The following ANO9 variants were observed in gnomAD, a reference collection of about 807,000 sequenced individuals.
ANO9 encodes anoctamin-9.
In ANO9, 80 loss-of-function variants were observed where a neutral mutation model predicts 100.5. The observed-to-expected ratio is 0.80, with a 90% confidence interval of 0.66 to 0.96. ANO9 has a LOEUF of 0.96. ANO9 is among the 40% of genes least tolerant of loss of function. The pLI is 0.00. For missense variants in ANO9, 1,064 were observed against 1,072.7 expected (o/e 0.99, Z 0.11); for synonymous variants, 473 against 435.6 (o/e 1.09, Z -1.07).
rs530624536 is a variant in ANO9 at position 420,777 on chromosome 11, C to T, written c.1574G>A (p.Arg525His). The change falls in exon 18 of 23, where the codon CGC (arginine) becomes CAC (histidine). Residue 525 changes from arginine (R) to histidine (H), a missense_variant. By Grantham distance (29) the Arg-to-His change is conservative. Transcript: ENST00000332826. ...GTTGACCGGGTTCAGAAGGTAGTTG[C>T]GCCGCCAGTCCCTGAGCTCGGGGTC... is the stretch of plus-strand genomic sequence containing the variant. ...PRDPELRDWR[R>H]NYLLNPVNTF... 4 of 1,601,336 alleles carry T rather than the reference C, an allele frequency of 2.5e-6. No individual in the cohort carries two copies. Among genetic ancestry groups the T allele is most frequent in the Middle Eastern group, 1.7e-4 (1 of 6,052 alleles).
Position 420,928 on chromosome 11 carries a change from C to T in ANO9, c.1490+17G>A, listed in dbSNP as rs566261009. 2 of 1,589,208 alleles carry T rather than the reference C, an allele frequency of 1.3e-6. No homozygotes were observed. The highest frequency in any genetic ancestry group is 1.1e-5 in the South Asian group (1 of 90,050). ...GGGGCCTGGGGCTCCCGGGGCTGGG[C>T]GGGGGTCGGCACTCACGGGACCAGG... On this transcript the variant is annotated intron_variant, in intron 17 of 22. Transcript: ENST00000332826.
chr11:418,216 G>T lies in ANO9; in HGVS notation c.*155C>A. 1 of 743,592 alleles carries T rather than the reference G, an allele frequency of 1.3e-6. No homozygotes were observed. The highest frequency in any genetic ancestry group is 1.9e-5 in the South Asian group (1 of 52,600). The allele number at this position is 743,592 out of a possible 1,614,324, so 46.1% of individuals were successfully genotyped here. On this transcript the variant is annotated 3_prime_UTR_variant, in exon 23 of 23. Transcript: ENST00000332826. The stretch of plus-strand genomic sequence containing the variant: ...AAGACGGAGCAGGCGGAATAGGGTG[G>T]CAGCTCACAGCCCTGAACATACAGG...
At chr11:438,795 C>G (rs1845594802) in intron 1 of ANO9, among the ~76,000 whole-genome samples, 1 of 152,176 alleles carries the variant, frequency 6.6e-6, no homozygotes, top group Non-Finnish European at 1.5e-5. Flanking sequence ...TCCAGCCATG[C>G]AGACTGTTCG....
Position 418,320 on chromosome 11 carries a change from C to A in ANO9, c.*51G>T. 6.7e-7 allele frequency: 1 copy of A among 1,493,304 alleles called. No homozygotes were observed. Among genetic ancestry groups the A allele is most frequent in the Non-Finnish European group, 9.0e-7 (1 of 1,115,016 alleles). The allele number at this position is 1,493,304 out of a possible 1,614,324, so 92.5% of individuals were successfully genotyped here. ...CACAGCGGTGGGCTTGTGGGAGGTGCTGGTGGTGGCACTGTCTCAGCTCCT... is the reference window on the plus strand; with the variant it reads ...CACAGCGGTGGGCTTGTGGGAGGTGATGGTGGTGGCACTGTCTCAGCTCCT... On this transcript the variant is annotated 3_prime_UTR_variant, in exon 23 of 23. Transcript: ENST00000332826.
At chr11:438,557 T>A (rs538708192) in intron 1 of ANO9, among the ~76,000 whole-genome samples, 1 of 149,358 alleles carries the variant, frequency 6.7e-6, no homozygotes, top group South Asian at 2.1e-4. Flanking sequence ...CCCACCAGCC[T>A]CCAGGACCGG....
chr11:441,830 TG>T, intron 1 of ANO9, 90 bp downstream of exon 1: 1 of 1,525,778 alleles, frequency 6.6e-7, no homozygotes. Context: ...GCCTTCCAGG[TG>T]GGGCTGGCGG....
intron 3 of ANO9, 109 bp downstream of exon 3, chr11:433,706 C>T (rs1194478695): frequency 2.7e-6 from 4 of 1,458,522 alleles, no homozygotes; most frequent in African/African-American, 2.8e-5. Context: ...CATGACCGGC[C>T]CCACAGCCCT....
chr11:434,181 C>T, intron 1 of ANO9, 83 bp from the exon 2 acceptor site: 1 of 1,460,394 alleles, frequency 6.8e-7, no homozygotes, highest in Non-Finnish European at 9.3e-7. Flanking sequence ...CTGCAGCGGA[C>T]CACATGGTCA....
rs760476133 is a variant in ANO9 at position 422,020 on chromosome 11, A to T, written c.1335-822T>A. On this transcript the variant is annotated intron_variant, in intron 15 of 22. Transcript: ENST00000332826. This position sits in a 1 kb window ranked among gnomAD's most constrained non-coding sequence, Gnocchi z 4.3. ...GGAAAATCAAAATAAAACAACTGAAAGCCTGGGTGGATAAATCAATCGAGT... is the reference window on the plus strand; with the variant it reads ...GGAAAATCAAAATAAAACAACTGAATGCCTGGGTGGATAAATCAATCGAGT... Among the ~76,000 whole-genome samples the T allele has an allele frequency of 6.6e-6, 1 of 152,238 alleles. No homozygotes were observed. The highest frequency in any genetic ancestry group is 1.5e-5 in the Non-Finnish European group (1 of 68,046).
Position 421,739 on chromosome 11 carries a change from A to T in ANO9, c.1335-541T>A, listed in dbSNP as rs934419833. On this transcript the variant is annotated intron_variant, in intron 15 of 22. Transcript: ENST00000332826. This position sits in a 1 kb window ranked among gnomAD's most constrained non-coding sequence, Gnocchi z 6.8. ...AGTGGCCTCGGTTTCTCCCCGTGGA[A>T]ACGGCACGATGGGTTATTTTGTGTT... Among the ~76,000 whole-genome samples the T allele has an allele frequency of 6.6e-6, 1 of 152,226 alleles. No homozygotes were observed. The highest frequency in any genetic ancestry group is 1.5e-5 in the Non-Finnish European group (1 of 68,040).
intron 20 of ANO9, chr11:419,323 G>T: frequency 7.1e-7 from 1 of 1,409,046 alleles, no homozygotes; most frequent in Non-Finnish European, 9.2e-7. Flanking sequence ...AGCCGTTCTG[G>T]CAGGGCCTAC....
intron 20 of ANO9, chr11:419,336 A>G (rs1215689610): frequency 1.4e-6 from 2 of 1,411,352 alleles, no homozygotes; most frequent in Non-Finnish European, 1.8e-6. Context: ...GGGCCTACTC[A>G]GGAGGCAGCC....
At chr11:435,112 T>C (rs992154408) in intron 1 of ANO9, among the ~76,000 whole-genome samples, 16 of 152,270 alleles carry the variant, frequency 1.1e-4, no homozygotes, top group African/African-American at 3.9e-4. Flanking sequence ...TAGTATAGGA[T>C]AGCATAGCAT....
At chr11:424,965 G>A (rs1424493078) in intron 15 of ANO9, among the ~76,000 whole-genome samples, 1 of 148,034 alleles carries the variant, frequency 6.8e-6, no homozygotes, top group Non-Finnish European at 1.5e-5. Context: ...GCGGCGCGGA[G>A]ACGGGACGCG....
At chr11:420,911 G>C in intron 17 of ANO9, 34 bp downstream of exon 17, 1 of 1,596,088 alleles carries the variant, frequency 6.3e-7, no homozygotes, top group South Asian at 1.1e-5. Flanking sequence ...GAGGGGCCTG[G>C]GGCTCCCGGG....
In ANO9 at chr11:428,218, T is replaced by A; in HGVS notation, c.1223-19A>T. The A allele has an allele frequency of 1.9e-6, 3 of 1,610,922 alleles. No homozygotes were observed. In the South Asian group the frequency reaches 3.3e-5, roughly 18 times the overall value. ...GGCATCTCTGGAATGGGACCGGCCC[T>A]CACCTCTCTCCCTGCTCATAGGAGA... On this transcript the variant is annotated intron_variant, in intron 14 of 22. Coordinates refer to ENST00000332826, the MANE Select transcript of ANO9 (RefSeq NM_001012302.3).
Position 434,054 on chromosome 11 carries a change from G to A in ANO9, c.51C>T (p.Ser17=). ...AGGTGCTGATCTCCATCAGCGGGAA[G>A]CTGTCCCCTTCGGGCTCCACCAGGA... ...LRILVEPEGD[S]FPLMEISTCE... The change falls in exon 2 of 23, where the codon AGC becomes AGT. Residue 17 remains serine (S), a synonymous_variant. Transcript: ENST00000332826. 6.4e-7 allele frequency: 1 copy of A among 1,551,154 alleles called. No homozygotes were observed. Among genetic ancestry groups the A allele is most frequent in the Non-Finnish European group, 8.7e-7 (1 of 1,147,424 alleles).
chr11:418,343 C>G lies in ANO9; in HGVS notation c.*28G>C, dbSNP rs749220522. 6.4e-7 allele frequency: 1 copy of G among 1,550,540 alleles called. No homozygotes were observed. The highest frequency in any genetic ancestry group is 8.7e-7 in the Non-Finnish European group (1 of 1,148,842). On this transcript the variant is annotated 3_prime_UTR_variant, in exon 23 of 23. Transcript: ENST00000332826. The stretch of plus-strand genomic sequence containing the variant: ...TGCTGGTGGTGGCACTGTCTCAGCT[C>G]CTGGTGGCCTCTGGACGGGCTCTGG...
At position 430,073 on chromosome 11, in the gene ANO9, G is replaced by T; in HGVS notation, c.771+10C>A. 6.5e-7 allele frequency: 1 copy of T among 1,549,380 alleles called. No individual in the cohort carries two copies. The highest frequency in any genetic ancestry group is 1.2e-5 in the South Asian group (1 of 83,932). ...CCGCAGGCCCTGGGGTGGACCCGGA[G>T]GCGACAAACCTTGGCAAAAGTGCAG... On this transcript the variant is annotated intron_variant, in intron 9 of 22. Coordinates refer to ENST00000332826, the MANE Select transcript of ANO9 (RefSeq NM_001012302.3).
Sources: gnomAD v4.1 joint callset for allele counts (sites outside exome capture counted in the v4.1 genomes callset) on GRCh38, gnomAD v4.1.1 for gene constraint, Gnocchi (gnomAD v3.1) non-coding constraint, MANE v1.5 for transcripts, NCBI Gene and HGNC (gene_info 2026-07-23, HGNC 2026-07-21) for gene names.